The following SMARCC1 variants were observed in gnomAD, a reference collection of about 807,000 sequenced individuals.
SMARCC1 encodes the protein SWI/SNF complex subunit SMARCC1.
SMARCC1 carries 43 observed loss-of-function variants against 147.4 expected under a neutral mutation model. That is an observed-to-expected ratio of 0.29 (90% confidence interval 0.23 to 0.38). The LOEUF is 0.38. SMARCC1 is among the 10% of genes least tolerant of loss of function. The pLI is 1.00. For missense variants in SMARCC1, 1,119 were observed against 1,381.1 expected (o/e 0.81, Z 3.01); for synonymous variants, 495 against 484.4 (o/e 1.02, Z -0.29).
chr3:47,617,636 T>A (rs2032664910), intron 25 of SMARCC1, among the ~76,000 whole-genome samples: 1 of 152,154 alleles, frequency 6.6e-6, no homozygotes, highest in Non-Finnish European at 1.5e-5. Context: ...ATTCATAGCT[T>A]TGCTTCCCAC....
At chr3:47,685,557 A>T (rs1446133132) in intron 14 of SMARCC1, among the ~76,000 whole-genome samples, 1 of 138,650 alleles carries the variant, frequency 7.2e-6, no homozygotes, top group Non-Finnish European at 1.6e-5. Flanking sequence ...GTTTTTCTTT[A>T]AAAAAAAAAA....
chr3:47,719,366 T>C (rs1311693973), intron 7 of SMARCC1, among the ~76,000 whole-genome samples: 1 of 152,180 alleles, frequency 6.6e-6, no homozygotes, highest in Non-Finnish European at 1.5e-5. Context: ...CATAAATTAA[T>C]TTCATCCTTA....
In SMARCC1 at chr3:47,781,662, G is replaced by C. The variant is rs756336520; in HGVS notation, c.136C>G (p.Pro46Ala). 9.0e-6 allele frequency: 14 copies of C among 1,558,572 alleles called. No homozygotes were observed. Among genetic ancestry groups the C allele is most frequent in the Non-Finnish European group, 1.2e-5 (14 of 1,156,514 alleles). Residue 46 changes from proline (P) to alanine (A), a missense_variant, in exon 1 of 28, where the codon CCG becomes GCG. By Grantham distance (27) the Pro-to-Ala change is conservative. Coordinates refer to ENST00000254480, the MANE Select transcript of SMARCC1 (RefSeq NM_003074.4). ...GGPATKFWES[P>A]ETVSQLDSVR... ...GAATCCAGCTGGGACACCGTCTCCG[G>C]GCTCTCCCAAAACTTGGTGGCCGGG...
At chr3:47,696,917 G>A (rs956202730) in intron 11 of SMARCC1, among the ~76,000 whole-genome samples, 1 of 152,114 alleles carries the variant, frequency 6.6e-6, no homozygotes, top group Non-Finnish European at 1.5e-5. Flanking sequence ...CTGCAGTGCA[G>A]TGATGCAATC....
At chr3:47,718,025 T>C (rs544607265) in intron 7 of SMARCC1, among the ~76,000 whole-genome samples, 2 of 149,326 alleles carry the variant, frequency 1.3e-5, no homozygotes, top group South Asian at 2.1e-4. Flanking sequence ...AAGGCACCTA[T>C]GGGTGGCACG....
At chr3:47,637,863 G>C (rs2032992685) in intron 22 of SMARCC1, among the ~76,000 whole-genome samples, 1 of 152,126 alleles carries the variant, frequency 6.6e-6, no homozygotes, top group Admixed American at 6.5e-5. Context: ...TGGCTTTAGT[G>C]TCTCTCCTCT....
At chr3:47,659,117 C>CAAAA (rs35464509) in intron 21 of SMARCC1, among the ~76,000 whole-genome samples, 2 of 96,760 alleles carry the variant, frequency 2.1e-5, no homozygotes, top group African/African-American at 4.4e-5. Context: ...GACTCTGTCT[C>CAAAA]AAAAAAAAAA....
chr3:47,652,962 T>G (rs1317051158), intron 21 of SMARCC1, among the ~76,000 whole-genome samples: 3 of 150,060 alleles, frequency 2.0e-5, no homozygotes, highest in African/African-American at 7.3e-5. Flanking sequence ...TTTTTTTTTT[T>G]TTTTTGAGAC....
At chr3:47,781,367 G>A (rs1318916656) in intron 1 of SMARCC1, among the ~76,000 whole-genome samples, 2 of 152,228 alleles carry the variant, frequency 1.3e-5, no homozygotes, top group Non-Finnish European at 2.9e-5. Flanking sequence ...ACACGAGACT[G>A]AGCAGGGGCT....
intron 18 of SMARCC1, among the ~76,000 whole-genome samples, chr3:47,673,412 G>A (rs2033529980): frequency 7.6e-6 from 1 of 131,926 alleles, no homozygotes; most frequent in African/African-American, 2.7e-5. Flanking sequence ...GGGGGGGGCA[G>A]GCCAGTGGCT....
chr3:47,687,456 A>C (rs990625448), intron 13 of SMARCC1, among the ~76,000 whole-genome samples: 17 of 152,342 alleles, frequency 1.1e-4, no homozygotes, highest in Admixed American at 1.0e-3. Context: ...TTCAATCAGA[A>C]AACAACAAGG....
Position 47,670,733 on chromosome 3 carries a change from C to G in SMARCC1, c.1840-16G>C, listed in dbSNP as rs775246252. 3 of 1,521,158 alleles carry G rather than the reference C, an allele frequency of 2.0e-6. No homozygotes were observed. 94.2% of individuals were successfully genotyped at this position (1,521,158 alleles called of 1,614,324 possible). A position where few individuals can be genotyped will look rare whatever the true frequency, so the allele number is the denominator to read the frequency against. ...CACCTTTACTCTAAGGAAACAAAAT[C>G]AGAAATTATTTGCTCATTTTTAAAT... is the stretch of plus-strand genomic sequence containing the variant. On this transcript the variant is annotated splice_polypyrimidine_tract_variant and intron_variant, in intron 18 of 27. Coordinates refer to ENST00000254480, the MANE Select transcript of SMARCC1 (RefSeq NM_003074.4).
rs574087832 is a variant in SMARCC1, at chr3:47,648,221, C to T, written c.2321-9441G>A. ...TGTTGTGCAGGCTGGTCTCGAACCC[C>T]TGACTTGAGGTGATCTGTATGCCTC... On this transcript the variant is annotated intron_variant, in intron 21 of 27. Transcript: ENST00000254480. 2.2e-3 allele frequency among the ~76,000 whole-genome samples: 331 copies of T among 152,250 alleles called. 2 individuals carry two copies. Among genetic ancestry groups the T allele is most frequent in the African/African-American group, 7.2e-3 (298 of 41,554 alleles).
chr3:47,711,771 G>A (rs2034086996), intron 8 of SMARCC1, among the ~76,000 whole-genome samples: 1 of 152,088 alleles, frequency 6.6e-6, no homozygotes, highest in Non-Finnish European at 1.5e-5. Context: ...CTGACTACAC[G>A]CCTCCTCTCC....
chr3:47,589,079 T>G (rs1328923632), intron 27 of SMARCC1, among the ~76,000 whole-genome samples: 1 of 152,178 alleles, frequency 6.6e-6, no homozygotes, highest in Non-Finnish European at 1.5e-5. Flanking sequence ...TTCACCCAAC[T>G]CTATGCCCAA....
intron 19 of SMARCC1, chr3:47,663,996 GC>G: frequency 1.1e-6 from 1 of 940,514 alleles, no homozygotes; most frequent in Non-Finnish European, 1.6e-6. Context: ...GCAAGCACTG[GC>G]CCTACCATGG....
chr3:47,710,972 C>A (rs1215144081), intron 8 of SMARCC1, among the ~76,000 whole-genome samples, 164 bp from the exon 9 acceptor site: 1 of 152,184 alleles, frequency 6.6e-6, no homozygotes, highest in African/African-American at 2.4e-5. Context: ...TTAATCATCT[C>A]TATTTTTATT....
At chr3:47,610,981 A>C (rs1268071323) in intron 25 of SMARCC1, among the ~76,000 whole-genome samples, 1 of 152,224 alleles carries the variant, frequency 6.6e-6, no homozygotes, top group Admixed American at 6.5e-5. Flanking sequence ...CTATAAAAAA[A>C]TTTGCATGAA....
intron 26 of SMARCC1, among the ~76,000 whole-genome samples, chr3:47,594,414 C>T (rs554942036): frequency 6.6e-6 from 1 of 152,212 alleles, no homozygotes; most frequent in African/African-American, 2.4e-5. Context: ...TATGTGAACA[C>T]TGCGACTAGG....
Sources: gnomAD v4.1 joint callset for allele counts (sites outside exome capture counted in the v4.1 genomes callset) on GRCh38, gnomAD v4.1.1 for gene constraint, MANE v1.5 for transcripts, NCBI Gene and HGNC (gene_info 2026-07-23, HGNC 2026-07-21) for gene names.